Variants in EXOC6 observed in about 807,000 individuals in gnomAD.
The protein encoded by EXOC6 is SEC15-like 1.
EXOC6 carries 60 observed loss-of-function variants against 112.5 expected under a neutral mutation model. The ratio of observed to expected loss-of-function variants is 0.53; its 90% CI spans 0.43 to 0.66. EXOC6 has a LOEUF of 0.66. Among genes scored for constraint, EXOC6 ranks in the 30% least tolerant of loss-of-function variants. The pLI is 0.00. For missense variants in EXOC6, 855 were observed against 957.1 expected, an observed-to-expected ratio of 0.89 and a Z score of 1.41; for synonymous variants, 295 against 308.0, an observed-to-expected ratio of 0.96 and a Z score of 0.44.
At chr10:93,058,175 G>C in intron 21 of EXOC6, 48 bp from the exon 22 acceptor site, 1 of 1,565,964 alleles carries the variant, frequency 6.4e-7, no homozygotes, top group Non-Finnish European at 8.6e-7. Context: ...TGACAGCTTA[G>C]CTTTTAATTT....
intron 1 of EXOC6, among the ~76,000 whole-genome samples, chr10:92,855,671 T>C (rs1427261824): frequency 2.6e-5 from 4 of 152,186 alleles, no homozygotes; most frequent in African/African-American, 9.7e-5. Flanking sequence ...TCATTTAGAT[T>C]ATTTTAGTTG....
chr10:92,978,510 A>G (rs1842716996), intron 18 of EXOC6, among the ~76,000 whole-genome samples: 1 of 152,196 alleles, frequency 6.6e-6, no homozygotes, highest in Non-Finnish European at 1.5e-5. Context: ...ATTATTGACT[A>G]TGGTAAATTT....
At chr10:92,896,171 ATATATATATATTTTTTTTT>A (rs1849792257) in intron 4 of EXOC6, among the ~76,000 whole-genome samples, 7 of 25,228 alleles carry the variant, frequency 2.8e-4, no homozygotes, top group African/African-American at 1.0e-3. Flanking sequence ...ATATATATAT[ATATATATATATTTTTTTTT>A]TTTTTTTTTT....
intron 1 of EXOC6, among the ~76,000 whole-genome samples, chr10:92,850,376 T>A (rs1038271905): frequency 6.6e-6 from 1 of 152,228 alleles, no homozygotes; most frequent in Non-Finnish European, 1.5e-5. Flanking sequence ...TCTTTAGCAA[T>A]CCCTGGTGAC....
chr10:92,848,642 T>C lies in EXOC6; in HGVS notation c.101+8T>C, dbSNP rs1477850945. 8 of 1,390,580 alleles carry C rather than the reference T, an allele frequency of 5.8e-6. No homozygotes were observed. In the Admixed American group the frequency reaches 1.9e-4, roughly 32 times the overall value. 86.1% of individuals were successfully genotyped at this position (1,390,580 alleles called of 1,614,324 possible). ...TGTGGGGCCCACCCTCCGGTAAAGA[T>C]CTCATCCCACCGGGACTTCGGCCCC... On this transcript the variant is annotated splice_region_variant and intron_variant, in intron 1 of 21. Coordinates refer to ENST00000260762, the MANE Select transcript of EXOC6 (RefSeq NM_019053.6).
At chr10:92,845,321 G>C (rs1289183209), upstream of EXOC6, among the ~76,000 whole-genome samples, 1 of 152,156 alleles carries the variant, frequency 6.6e-6, no homozygotes, top group Admixed American at 6.5e-5. Flanking sequence ...AGAAGGCCAA[G>C]TCAGGGCAAT....
chr10:93,046,373 A>G (rs997725095), intron 20 of EXOC6, among the ~76,000 whole-genome samples: 3 of 152,242 alleles, frequency 2.0e-5, no homozygotes, highest in Admixed American at 6.5e-5. Flanking sequence ...TAATGTCAAT[A>G]TACTGTGAAA....
chr10:92,881,039 G>C (rs1848936866), intron 1 of EXOC6, among the ~76,000 whole-genome samples: 1 of 152,156 alleles, frequency 6.6e-6, no homozygotes, highest in Non-Finnish European at 1.5e-5. Context: ...TAGTCAAATG[G>C]ATATTGGTTG....
At chr10:92,896,059 G>GTA (rs71028855) in intron 4 of EXOC6, among the ~76,000 whole-genome samples, 24,128 of 63,438 alleles carry the variant, frequency 0.38, 4,788 homozygotes, top group East Asian at 0.8. Context: ...ATATATATGT[G>GTA]TATATATATG....
At chr10:92,996,860 A>G (rs1843517256) in intron 18 of EXOC6, among the ~76,000 whole-genome samples, 1 of 152,214 alleles carries the variant, frequency 6.6e-6, no homozygotes, top group Non-Finnish European at 1.5e-5. Flanking sequence ...GAATTTCTAA[A>G]GCTAAATGCA....
chr10:92,907,383 T>C (rs1850504209), intron 5 of EXOC6, among the ~76,000 whole-genome samples: 1 of 152,140 alleles, frequency 6.6e-6, no homozygotes, highest in African/African-American at 2.4e-5. Flanking sequence ...ACTCTCTACA[T>C]TTCTGGGTTG....
At chr10:92,997,055 C>A (rs1387637945) in intron 18 of EXOC6, among the ~76,000 whole-genome samples, 1 of 152,026 alleles carries the variant, frequency 6.6e-6, no homozygotes, top group African/African-American at 2.4e-5. Flanking sequence ...TTCCTTTATT[C>A]TGACTTGGTT....
rs149772774 is a variant in EXOC6 at position 92,851,622 on chromosome 10, C to A, written c.101+2988C>A. 4.0e-5 allele frequency among the ~76,000 whole-genome samples: 6 copies of A among 151,848 alleles called. No individual in the cohort carries two copies. The East Asian group carries it at 1.2e-3, about 29-fold the overall frequency. ...CCGAGATTATGCCACTACTCTCTAGCCTGAGCGACGGAGCGAGACTCCATC... is the reference window on the plus strand; with the variant it reads ...CCGAGATTATGCCACTACTCTCTAGACTGAGCGACGGAGCGAGACTCCATC... On this transcript the variant is annotated intron_variant, in intron 1 of 21. Transcript: ENST00000260762.
At chr10:92,992,659 C>G (rs1175096481) in intron 18 of EXOC6, among the ~76,000 whole-genome samples, 4 of 151,908 alleles carry the variant, frequency 2.6e-5, no homozygotes, top group African/African-American at 9.7e-5. Flanking sequence ...ATTAAAATAC[C>G]TGTTTTTCAA....
intron 20 of EXOC6, among the ~76,000 whole-genome samples, chr10:93,034,565 C>G (rs1845424930): frequency 6.6e-6 from 1 of 152,192 alleles, no homozygotes; most frequent in Non-Finnish European, 1.5e-5. Context: ...GGGACATGAA[C>G]AAGCTTTGAA....
rs550357415 is a variant in EXOC6, at chr10:92,849,071, C to T, written c.101+437C>T. Among the ~76,000 whole-genome samples, 3 of 152,044 alleles carry T rather than the reference C, an allele frequency of 2.0e-5. No homozygotes were observed. The East Asian group carries it at 5.8e-4, about 30-fold the overall frequency. The stretch of plus-strand genomic sequence containing the variant: ...CAGGCACCCGGCGTGACGGAGGTGC[C>T]AGGTCGCGCGCGGGTGGAAAGCCTG... On this transcript the variant is annotated intron_variant, in intron 1 of 21. Transcript: ENST00000260762.
intron 20 of EXOC6, among the ~76,000 whole-genome samples, chr10:93,047,560 A>G (rs138286798): frequency 6.7e-6 from 1 of 149,212 alleles, no homozygotes; most frequent in Non-Finnish European, 1.5e-5. Context: ...AAAACAAAAC[A>G]AAAAGAGGAG....
intron 9 of EXOC6, among the ~76,000 whole-genome samples, chr10:92,931,327 A>G (rs1852024351): frequency 6.6e-6 from 1 of 151,784 alleles, no homozygotes; most frequent in Non-Finnish European, 1.5e-5. Context: ...TAAACAGAAA[A>G]TAGAACAGAA....
intron 18 of EXOC6, among the ~76,000 whole-genome samples, chr10:92,983,250 G>A (rs1787548951): frequency 6.6e-6 from 1 of 152,176 alleles, no homozygotes; most frequent in South Asian, 2.1e-4. Context: ...GGTGTGATAA[G>A]TAGTCCAAAA....
Sources: allele counts gnomAD v4.1 joint callset (sites outside exome capture counted in the v4.1 genomes callset), GRCh38; gene constraint gnomAD v4.1.1; transcripts MANE v1.5; gene names NCBI Gene and HGNC (gene_info 2026-07-23, HGNC 2026-07-21).